Variants in FLNB observed in about 807,000 individuals in gnomAD.
FLNB encodes the protein filamin B.
A neutral mutation model predicts 250.6 loss-of-function variants in FLNB; 111 were observed. The ratio of observed to expected loss-of-function variants is 0.44; its 90% CI spans 0.38 to 0.52. The LOEUF is 0.52. FLNB is among the 20% of genes least tolerant of loss of function. FLNB has a pLI of 0.00. For synonymous variants in FLNB, 1,302 were observed against 1,372.1 expected, an observed-to-expected ratio of 0.95 and a Z score of 1.13; for missense variants, 2,869 against 3,447.8, an observed-to-expected ratio of 0.83 and a Z score of 4.20.
At position 58,110,094 on chromosome 3, in the gene FLNB, C is replaced by G. The variant is rs1246319345; in HGVS notation, c.2408C>G (p.Ala803Gly). The stretch of plus-strand genomic sequence containing the variant: ...GTGGATTTTGACATTATTCACAATG[C>G]CAATGATACGTTCACAGTCAAATAT... ...EDVDFDIIHN[A>G]NDTFTVKYVP... Residue 803 changes from alanine to glycine, a missense_variant, in exon 16 of 46, where the codon GCC becomes GGC. Ala to Gly is a moderately conservative substitution (Grantham distance 60). Transcript: ENST00000295956. 2 of 1,613,878 alleles carry G rather than the reference C, an allele frequency of 1.2e-6. No homozygotes were observed. The highest frequency in any genetic ancestry group is 1.6e-4 in the Middle Eastern group (1 of 6,084).
chr3:58,140,228 G>T (rs777913401), intron 29 of FLNB, among the ~76,000 whole-genome samples: 1 of 152,202 alleles, frequency 6.6e-6, no homozygotes, highest in Non-Finnish European at 1.5e-5. Flanking sequence ...AATGTCTCAA[G>T]GAGACCCACA....
chr3:58,046,455 GT>G (rs34935660), intron 1 of FLNB, among the ~76,000 whole-genome samples: 54 of 144,110 alleles, frequency 3.7e-4, no homozygotes, highest in Admixed American at 4.2e-4. Context: ...TTTTAGAATT[GT>G]TTTTTTTTTT....
intron 1 of FLNB, among the ~76,000 whole-genome samples, chr3:58,072,057 T>C (rs2097195373): frequency 2.0e-5 from 3 of 152,182 alleles, no homozygotes; most frequent in Admixed American, 6.6e-5. Flanking sequence ...TCCCAGAATT[T>C]GCAGTAGCTC....
intron 13 of FLNB, 125 bp from the exon 14 acceptor site, chr3:58,109,054 G>A (rs914557474): frequency 9.6e-7 from 1 of 1,046,270 alleles, no homozygotes; most frequent in African/African-American, 1.6e-5. Flanking sequence ...GCACATTGTA[G>A]TTGGTCCATG....
At chr3:58,061,389 A>C (rs1320761716) in intron 1 of FLNB, among the ~76,000 whole-genome samples, 1 of 152,162 alleles carries the variant, frequency 6.6e-6, no homozygotes, top group Non-Finnish European at 1.5e-5. Context: ...TATGTATTGT[A>C]CTATGTTTCT....
At chr3:58,131,545 G>A (rs1402878314) in intron 25 of FLNB, among the ~76,000 whole-genome samples, 2 of 152,210 alleles carry the variant, frequency 1.3e-5, no homozygotes, top group African/African-American at 2.4e-5. Flanking sequence ...CACTTAAAAT[G>A]TGCCTTTCTC....
At position 58,097,202 on chromosome 3, in the gene FLNB, GC is replaced by G. The variant is rs768088579; in HGVS notation, c.985-611del. ...TTTAGTGAATTCACCTGGAATGATG[GC>G]CTTAGCGTTCTCTTAGACTCTTAGA... On this transcript the variant is annotated intron_variant, in intron 6 of 45. Coordinates refer to ENST00000295956, the MANE Select transcript of FLNB (RefSeq NM_001457.4). Among the ~76,000 whole-genome samples the G allele has an allele frequency of 2.2e-4, 33 of 152,292 alleles. 1 individual carries two copies. The highest frequency in any genetic ancestry group is 4.1e-4 in the South Asian group (2 of 4,824).
chr3:58,150,445 C>T (rs986522074), intron 38 of FLNB: 3 of 602,686 alleles, frequency 5.0e-6, no homozygotes, highest in Admixed American at 5.9e-5. Flanking sequence ...CCTTTTTCCT[C>T]TTCCAAATAA....
In FLNB at chr3:58,059,783, G is replaced by A. The variant is rs567535851; in HGVS notation, c.293-17263G>A. On this transcript the variant is annotated intron_variant, in intron 1 of 45. Coordinates refer to ENST00000295956, the MANE Select transcript of FLNB (RefSeq NM_001457.4). ...GGGCACACTGATAAATCTCTTTTAG[G>A]AGGATGATGTAACCCTCAGCATTTT... Among the ~76,000 whole-genome samples, 3 of 152,270 alleles carry A rather than the reference G, an allele frequency of 2.0e-5. No homozygotes were observed. The East Asian group carries it at 5.8e-4, about 29-fold the overall frequency.
chr3:58,068,922 G>A (rs930710038), intron 1 of FLNB, among the ~76,000 whole-genome samples: 2 of 152,148 alleles, frequency 1.3e-5, no homozygotes, highest in East Asian at 3.9e-4. Flanking sequence ...CAGTAAACTG[G>A]GATGTTAAGG....
chr3:58,136,753 T>C (rs2097316829), intron 28 of FLNB, among the ~76,000 whole-genome samples: 1 of 137,218 alleles, frequency 7.3e-6, no homozygotes, highest in Non-Finnish European at 1.5e-5. Context: ...ATTCTTTTTT[T>C]TTTTTTTTTT....
chr3:58,078,273 CAT>C, intron 2 of FLNB: 2 of 1,418,170 alleles, frequency 1.4e-6, no homozygotes, highest in South Asian at 3.3e-5. Context: ...TCCTTTACCT[CAT>C]GTGCTTACAA....
rs111492526 is a variant in FLNB, at chr3:58,148,667, G to T, written c.5906G>T (p.Arg1969Leu). 6.2e-7 allele frequency: 1 copy of T among 1,614,038 alleles called. No individual in the cohort carries two copies. Among genetic ancestry groups the T allele is most frequent in the East Asian group, 2.2e-5 (1 of 44,878 alleles). ...GGTCCAGGCATCTCCTTCATCCCCC[G>T]GGAAGTGGGCGAACATCTGGTCAGC... The part of the protein sequence containing the change: ...NNHIGISFIP[R>L]EVGEHLVSIK... Residue 1969 changes from arginine to leucine, a missense_variant, in exon 36 of 46, where the codon CGG (arginine) becomes CTG (leucine). By Grantham distance (102) the Arg-to-Leu change is moderately radical (BLOSUM62 -2). This residue lies in a region of FLNB where 1,084 missense variants were observed against 1,315.5 expected (regional missense o/e 0.82). Coordinates refer to ENST00000295956, the MANE Select transcript of FLNB (RefSeq NM_001457.4).
chr3:58,013,684 C>T (rs948732337), intron 1 of FLNB, among the ~76,000 whole-genome samples: 5 of 152,054 alleles, frequency 3.3e-5, no homozygotes, highest in African/African-American at 1.2e-4. Context: ...ATTAGATGGC[C>T]GTGGTGGTGC....
At chr3:58,100,567 CT>C (rs1042126941) in intron 8 of FLNB, among the ~76,000 whole-genome samples, 11 of 141,154 alleles carry the variant, frequency 7.8e-5, no homozygotes, top group South Asian at 4.6e-4. Context: ...ATTTTTTACC[CT>C]TTTTTTTTCT....
In FLNB at chr3:58,099,213, C is replaced by T. The variant is rs116666520; in HGVS notation, c.1345+305C>T. 1.2e-3 allele frequency among the ~76,000 whole-genome samples: 189 copies of T among 152,236 alleles called. 2 individuals carry two copies. The highest frequency in any genetic ancestry group is 4.3e-3 in the African/African-American group (178 of 41,536). ...GTGGGACTGAGGCAGTGGGAGGACT[C>T]GGTAGCATAACTGAAGTTAGCAGCA... On this transcript the variant is annotated intron_variant, in intron 8 of 45. Transcript: ENST00000295956.
chr3:58,034,233 T>C (rs866929212), intron 1 of FLNB, among the ~76,000 whole-genome samples: 7 of 152,328 alleles, frequency 4.6e-5, no homozygotes, highest in Middle Eastern at 6.8e-3. Flanking sequence ...TCTATTTTTC[T>C]GAGTGGAATG....
intron 29 of FLNB, among the ~76,000 whole-genome samples, chr3:58,139,387 T>A (rs978652565): frequency 1.3e-5 from 2 of 152,180 alleles, no homozygotes; most frequent in African/African-American, 4.8e-5. Flanking sequence ...CCACAAGGTT[T>A]ATAGGCCCTT....
intron 18 of FLNB, among the ~76,000 whole-genome samples, chr3:58,115,359 A>AT (rs1266601165): frequency 2.6e-5 from 4 of 152,094 alleles, no homozygotes; most frequent in African/African-American, 4.8e-5. Flanking sequence ...TTCTAAAAAC[A>AT]TTTTGTGACT....
Sources: gnomAD v4.1 joint callset for allele counts (sites outside exome capture counted in the v4.1 genomes callset) on GRCh38, gnomAD v4.1.1 for gene constraint, gnomAD v4.1.1 regional missense constraint, MANE v1.5 for transcripts, NCBI Gene and HGNC (gene_info 2026-07-23, HGNC 2026-07-21) for gene names.